Variants in RASA3 observed in about 807,000 individuals in gnomAD.
The protein encoded by RASA3 is RAS p21 protein activator 3, also known as ras GTPase-activating protein 3.
Under a neutral mutation model 110.0 loss-of-function variants are expected in RASA3, and 73 were observed. The observed-to-expected ratio is 0.66, with a 90% confidence interval of 0.55 to 0.81. RASA3 has a LOEUF of 0.81. RASA3 is among the 30% of genes least tolerant of loss of function. The pLI, the probability that RASA3 is intolerant of heterozygous loss-of-function variation, is 0.00. For synonymous variants in RASA3, 500 were observed against 451.4 expected (o/e 1.11, Z -1.37); for missense variants, 976 against 1,113.2 (o/e 0.88, Z 1.75).
Position 113,979,210 on chromosome 13 carries a change from C to T in RASA3, c.*137G>A. Reference sequence around the variant, plus strand: ...CAGCGGTTCTGGGAGAGGGAAACCCCAGCGCCACTTGTCTATGGGCCGGGA... The same window carrying T: ...CAGCGGTTCTGGGAGAGGGAAACCCTAGCGCCACTTGTCTATGGGCCGGGA... On this transcript the variant is annotated 3_prime_UTR_variant, in exon 24 of 24. Coordinates refer to ENST00000334062, the MANE Select transcript of RASA3 (RefSeq NM_007368.4). 2.4e-6 allele frequency: 2 copies of T among 834,886 alleles called. No individual in the cohort carries two copies. Among genetic ancestry groups the T allele is most frequent in the Non-Finnish European group, 3.9e-6 (2 of 513,024 alleles). 51.7% of individuals were successfully genotyped at this position (834,886 alleles called of 1,614,324 possible).
chr13:114,021,054 T>C (rs2053918037), intron 9 of RASA3, among the ~76,000 whole-genome samples: 1 of 151,882 alleles, frequency 6.6e-6, no homozygotes, highest in African/African-American at 2.4e-5. Flanking sequence ...CCCTGCGAGC[T>C]GCTCGCGGCT....
chr13:114,060,631 G>A (rs2079322883), intron 2 of RASA3, among the ~76,000 whole-genome samples: 2 of 152,256 alleles, frequency 1.3e-5, no homozygotes, highest in African/African-American at 4.8e-5. Context: ...GGCCAGGACC[G>A]GACACGCCCC....
intron 3 of RASA3, among the ~76,000 whole-genome samples, chr13:114,045,527 C>T (rs1335197672): frequency 6.6e-6 from 1 of 152,138 alleles, no homozygotes; most frequent in Non-Finnish European, 1.5e-5. Flanking sequence ...AATGCGCGCG[C>T]CTCCCTCTGA....
intron 2 of RASA3, among the ~76,000 whole-genome samples, chr13:114,054,918 A>T (rs566269031): frequency 1.3e-5 from 2 of 151,730 alleles, no homozygotes; most frequent in East Asian, 3.9e-4. Context: ...GATGTCAGGG[A>T]CCCCCAGGGG....
At chr13:114,126,925 C>T (rs1026213963) in intron 1 of RASA3, among the ~76,000 whole-genome samples, 6 of 152,332 alleles carry the variant, frequency 3.9e-5, no homozygotes, top group South Asian at 2.1e-4. Context: ...GGGTTCGCTA[C>T]GTCCACGTCT....
chr13:114,046,954 T>C (rs891658607), intron 3 of RASA3, among the ~76,000 whole-genome samples: 1 of 152,140 alleles, frequency 6.6e-6, no homozygotes, highest in Non-Finnish European at 1.5e-5. Flanking sequence ...TGGAACTAAA[T>C]GTGAACGCTG....
intron 3 of RASA3, 75 bp downstream of exon 3, chr13:114,051,977 C>T: frequency 8.2e-7 from 1 of 1,226,872 alleles, no homozygotes; most frequent in Non-Finnish European, 1.2e-6. Context: ...CAGCCAGGCT[C>T]TGGACTGAAA....
chr13:114,017,719 T>G (rs1241358355), intron 11 of RASA3, among the ~76,000 whole-genome samples: 1 of 152,200 alleles, frequency 6.6e-6, no homozygotes, highest in Non-Finnish European at 1.5e-5. Context: ...TCCTGTCAGC[T>G]ACAGTGGCTG....
rs765207200 is a variant in RASA3 at position 113,979,297 on chromosome 13, C to A, written c.*50G>T. The A allele has an allele frequency of 4.7e-6, 7 of 1,484,658 alleles. No individual in the cohort carries two copies. The highest frequency in any genetic ancestry group is 4.5e-5 in the East Asian group (2 of 44,266). The allele number at this position is 1,484,658 out of a possible 1,614,324, so 92.0% of individuals were successfully genotyped here. ...CTTCTCTTCTCCCTCCCAAAGGCTG[C>A]GGCTTTGCATGGGCAGCTTGCTGGC... On this transcript the variant is annotated 3_prime_UTR_variant, in exon 24 of 24. Coordinates refer to ENST00000334062, the MANE Select transcript of RASA3 (RefSeq NM_007368.4).
intron 20 of RASA3, among the ~76,000 whole-genome samples, chr13:113,997,891 C>T (rs1272274261): frequency 6.6e-6 from 1 of 152,156 alleles, no homozygotes; most frequent in African/African-American, 2.4e-5. Context: ...GCCTTGCACC[C>T]GGCACATGTG....
Position 114,018,889 on chromosome 13 carries a change from G to A in RASA3, c.816C>T (p.Ser272=), listed in dbSNP as rs1381970116. ...CCAGGTCGTCTGGCTTTAGGCTCTT[G>A]CTACCATTGTCCCGGGGCTGGAGGA... ...WYFLQPRDNG[S]KSLKPDDLGS... The change falls in exon 10 of 24, where the codon AGC becomes AGT. Residue 272 remains serine, a synonymous_variant. Transcript: ENST00000334062. 9 of 1,613,784 alleles carry A rather than the reference G, an allele frequency of 5.6e-6. No individual in the cohort carries two copies. Among genetic ancestry groups the A allele is most frequent in the East Asian group, 2.2e-5 (1 of 44,902 alleles).
At chr13:113,993,859 A>G (rs2053176415) in intron 21 of RASA3, among the ~76,000 whole-genome samples, 2 of 151,678 alleles carry the variant, frequency 1.3e-5, no homozygotes, top group Non-Finnish European at 2.9e-5. Context: ...TACATTGTAC[A>G]GAAGCACGTC....
chr13:114,002,885 C>G (rs1007962767), intron 18 of RASA3, among the ~76,000 whole-genome samples: 2 of 152,210 alleles, frequency 1.3e-5, no homozygotes, highest in African/African-American at 4.8e-5. Flanking sequence ...GCAGCCACGG[C>G]CAACTCAACT....
chr13:114,012,574 A>G (rs1353348465), intron 15 of RASA3, among the ~76,000 whole-genome samples: 1 of 98,620 alleles, frequency 1.0e-5, no homozygotes, highest in East Asian at 3.2e-4. Flanking sequence ...TTCCACACAC[A>G]CTCCCCATTC....
At chr13:114,010,063 C>T (rs1338633207) in intron 16 of RASA3, among the ~76,000 whole-genome samples, 1 of 150,362 alleles carries the variant, frequency 6.7e-6, no homozygotes, top group East Asian at 1.9e-4. Flanking sequence ...GGAGGAGGCT[C>T]AAGTGCCTGT....
chr13:114,097,521 C>T lies in RASA3; in HGVS notation c.56-23684G>A, dbSNP rs545768672. ...CCTCAGGGCGTTTCTCAAAGAAAGG[C>T]ATGATGCAGCCTGAAAACCCCACCA... On this transcript the variant is annotated intron_variant, in intron 1 of 23. Coordinates refer to ENST00000334062, the MANE Select transcript of RASA3 (RefSeq NM_007368.4). Among the ~76,000 whole-genome samples, 3 of 152,360 alleles carry T rather than the reference C, an allele frequency of 2.0e-5. No homozygotes were observed. The East Asian group carries it at 5.8e-4, about 29-fold the overall frequency.
chr13:113,982,661 G>A (rs141732711), intron 22 of RASA3, among the ~76,000 whole-genome samples: 13 of 152,368 alleles, frequency 8.5e-5, no homozygotes, highest in Non-Finnish European at 1.6e-4. Flanking sequence ...GTGTCCATCT[G>A]GATGGAATGA....
chr13:114,057,420 T>C lies in RASA3; in HGVS notation c.174-5265A>G. ...GGAGAGGCGGCCGTGCTACAGGCCT[T>C]GCACTCATTTTAATGAAGGCTCTGC... On this transcript the variant is annotated intron_variant, in intron 2 of 23. Transcript: ENST00000334062. The surrounding 1 kb of genome is among the most constrained non-coding windows in gnomAD (Gnocchi z 5.0). 1 of 985,380 alleles carries C rather than the reference T, an allele frequency of 1.0e-6. No individual in the cohort carries two copies. Among genetic ancestry groups the C allele is most frequent in the Non-Finnish European group, 1.2e-6 (1 of 829,924 alleles). The allele number at this position is 985,380 out of a possible 1,614,324, so 61.0% of individuals were successfully genotyped here.
chr13:114,060,248 T>TG (rs2079316525), intron 2 of RASA3, among the ~76,000 whole-genome samples: 1 of 151,926 alleles, frequency 6.6e-6, no homozygotes, highest in African/African-American at 2.4e-5. Flanking sequence ...GAGGTCAGGG[T>TG]GCAGCCGAGG....
Sources: allele counts gnomAD v4.1 joint callset (sites outside exome capture counted in the v4.1 genomes callset), GRCh38; gene constraint gnomAD v4.1.1; non-coding constraint Gnocchi (gnomAD v3.1); transcripts MANE v1.5; gene names NCBI Gene and HGNC (gene_info 2026-07-23, HGNC 2026-07-21).